Variants in CYP2C8 observed in about 807,000 individuals in gnomAD.
CYP2C8 encodes the protein cytochrome P450 2C8.
Under a neutral mutation model 41.3 loss-of-function variants are expected in CYP2C8, and 51 were observed. The ratio of observed to expected loss-of-function variants is 1.24; its 90% CI spans 0.99 to 1.56. CYP2C8 has a LOEUF of 1.56. CYP2C8 is among the 40% of genes most tolerant of loss of function. CYP2C8 has a pLI of 0.00. For missense variants in CYP2C8, 651 were observed against 579.9 expected, an observed-to-expected ratio of 1.12 and a Z score of -1.26; for synonymous variants, 218 against 205.8, an observed-to-expected ratio of 1.06 and a Z score of -0.51.
At chr10:95,064,722 A>G (rs2033521262) in intron 4 of CYP2C8, 78 bp downstream of exon 4, 4 of 1,391,162 alleles carry the variant, frequency 2.9e-6, no homozygotes, top group African/African-American at 1.4e-5. Flanking sequence ...TTTAGTATCA[A>G]TTTTCTCATT....
intron 5 of CYP2C8, among the ~76,000 whole-genome samples, chr10:95,054,251 A>T (rs570399587): frequency 1.3e-5 from 2 of 152,226 alleles, no homozygotes; most frequent in African/African-American, 4.8e-5. Flanking sequence ...AGAGTGCTTC[A>T]ATAAGAAAAT....
intron 5 of CYP2C8, 86 bp from the exon 6 acceptor site, chr10:95,046,037 A>T (rs1462119792): frequency 2.7e-6 from 4 of 1,489,268 alleles, no homozygotes; most frequent in Admixed American, 3.7e-5. Context: ...ACTATTTTTT[A>T]AAGTTAGCCA....
At position 95,069,456 on chromosome 10, in the gene CYP2C8, A is replaced by G; in HGVS notation, c.-54T>C. On this transcript the variant is annotated 5_prime_UTR_variant, in exon 1 of 9. Transcript: ENST00000371270. ...TGTGAGCTTGCACTCCAAAGTTTTT[A>G]TAACACTCCCTGCTAATTTAGTGTG... The G allele has an allele frequency of 7.1e-7, 1 of 1,410,124 alleles. No individual in the cohort carries two copies. Among genetic ancestry groups the G allele is most frequent in the Non-Finnish European group, 1.0e-6 (1 of 996,856 alleles). 87.4% of individuals were successfully genotyped at this position (1,410,124 alleles called of 1,614,324 possible). A position where few individuals can be genotyped will look rare whatever the true frequency, so the allele number is the denominator to read the frequency against.
chr10:95,042,861 G>C, intron 7 of CYP2C8, 29 bp downstream of exon 7: 1 of 1,592,728 alleles, frequency 6.3e-7, no homozygotes, highest in South Asian at 1.1e-5. Context: ...CAGAAGTACA[G>C]AAATATAGTG....
rs1564744001 is a variant in CYP2C8 at position 95,069,412 on chromosome 10, C to A, written c.-10G>T. ...CCACAAAAGGTTCCATTGAAGCCTT[C>A]TCTTCTTATTAAGACAGCTGTGAGC... On this transcript the variant is annotated 5_prime_UTR_variant, in exon 1 of 9. Transcript: ENST00000371270. 1.2e-5 allele frequency: 19 copies of A among 1,613,578 alleles called. No individual in the cohort carries two copies. The highest frequency in any genetic ancestry group is 1.6e-5 in the Non-Finnish European group (19 of 1,179,542).
At chr10:95,061,946 G>A (rs1425316173) in intron 4 of CYP2C8, among the ~76,000 whole-genome samples, 2 of 152,158 alleles carry the variant, frequency 1.3e-5, no homozygotes, top group African/African-American at 2.4e-5. Flanking sequence ...GTAGTTGAGT[G>A]GTTTTGAGTG....
intron 7 of CYP2C8, among the ~76,000 whole-genome samples, chr10:95,041,787 CAAAAAAAAA>C (rs60326519): frequency 2.4e-5 from 2 of 83,172 alleles, no homozygotes; most frequent in Admixed American, 1.4e-4. Context: ...GACTCCGTCT[CAAAAAAAAA>C]AAAAAAAAAA....
intron 7 of CYP2C8, among the ~76,000 whole-genome samples, chr10:95,040,133 A>T (rs2032965001): frequency 6.6e-6 from 1 of 152,194 alleles, no homozygotes; most frequent in South Asian, 2.1e-4. Context: ...AATTGTGAAA[A>T]TTTAAATTTA....
chr10:95,050,131 T>G (rs2033187786), intron 5 of CYP2C8, among the ~76,000 whole-genome samples: 1 of 152,094 alleles, frequency 6.6e-6, no homozygotes, highest in Non-Finnish European at 1.5e-5. Flanking sequence ...GTACAGGGTC[T>G]GTATTCTGCA....
In CYP2C8 at chr10:95,058,474, G is replaced by A. The variant is rs755915776; in HGVS notation, c.680C>T (p.Pro227Leu). ...TTTAAGCACTTTGTTGTGAGTTCCT[G>A]GGAAACAATCAATGAGTAGAGGGAA... ...NNFPLLIDCF[P>L]GTHNKVLKNV... Residue 227 changes from proline (P) to leucine (L), a missense_variant, in exon 5 of 9, where the codon CCA (proline) becomes CTA (leucine). Transcript: ENST00000371270. The A allele has an allele frequency of 1.2e-6, 2 of 1,612,762 alleles. No homozygotes were observed. The highest frequency in any genetic ancestry group is 1.7e-6 in the Non-Finnish European group (2 of 1,179,496).
rs779958772 is a variant in CYP2C8, at chr10:95,037,278, G to A, written c.1323C>T (p.Ala441=). Residue 441 remains alanine (A), a synonymous_variant, in exon 9 of 9, where the codon GCC becomes GCT. Transcript: ENST00000371270. Reference sequence around the variant, plus strand: ...TTAGAAATAAAAATAGCTCCATGCGGGCAAGTCCTTCTCCTGCACAAATTC... The same window carrying A: ...TTAGAAATAAAAATAGCTCCATGCGAGCAAGTCCTTCTCCTGCACAAATTC... ...GKRICAGEGL[A]RMELFLFLTT... is the part of the protein sequence containing the mutation. 6 of 1,613,602 alleles carry A rather than the reference G, an allele frequency of 3.7e-6. No homozygotes were observed. The highest frequency in any genetic ancestry group is 1.3e-5 in the African/African-American group (1 of 75,030).
At chr10:95,055,364 A>T (rs11572123) in intron 5 of CYP2C8, among the ~76,000 whole-genome samples, 6,575 of 152,272 alleles carry the variant, frequency 0.043, 482 homozygotes, top group African/African-American at 0.15. Context: ...GTTTCAAAAA[A>T]AAATAAATAA....
In CYP2C8 at chr10:95,042,952, G is replaced by A. The variant is rs772497816; in HGVS notation, c.1087C>T (p.Pro363Ser). The part of the protein sequence containing the change: ...HEIQRYSDLV[P>S]TGVPHAVTTD... ...GTCACTGCATGGGGCACACCGGTGG[G>A]GACAAGGTCACTGTATCTCTGGATC... The change falls in exon 7 of 9, where the codon CCC becomes TCC. Residue 363 changes from proline (P) to serine (S), a missense_variant. Coordinates refer to ENST00000371270, the MANE Select transcript of CYP2C8 (RefSeq NM_000770.3). 4 of 1,614,112 alleles carry A rather than the reference G, an allele frequency of 2.5e-6. No homozygotes were observed. Among genetic ancestry groups the A allele is most frequent in the Admixed American group, 3.3e-5 (2 of 60,020 alleles).
chr10:95,045,936 T>C lies in CYP2C8; in HGVS notation c.835A>G (p.Lys279Glu). Residue 279 changes from lysine to glutamate, a missense_variant, in exon 6 of 9, where the codon AAG becomes GAG. Coordinates refer to ENST00000371270, the MANE Select transcript of CYP2C8 (RefSeq NM_000770.3). ...IKMEQEKDNQKSEFNIENLVG... is the reference protein window; with the variant it reads ...IKMEQEKDNQESEFNIENLVG... Reference sequence around the variant, plus strand: ...AAGTTTTCAATATTGAATTCTGACTTTTGGTTGTCCTTTTCCTAGAAGTGA... The same window carrying C: ...AAGTTTTCAATATTGAATTCTGACTCTTGGTTGTCCTTTTCCTAGAAGTGA... 1 of 1,613,936 alleles carries C rather than the reference T, an allele frequency of 6.2e-7. No homozygotes were observed. Among genetic ancestry groups the C allele is most frequent in the Non-Finnish European group, 8.5e-7 (1 of 1,179,852 alleles).
In CYP2C8 at chr10:95,061,988, C is replaced by T. The variant is rs144774833; in HGVS notation, c.642+2812G>A. On this transcript the variant is annotated intron_variant, in intron 4 of 8. Transcript: ENST00000371270. The stretch of plus-strand genomic sequence containing the variant: ...TTAATCCTGAGTTCTAGTTTGATTG[C>T]GCTGTGGTCTGAGAGACAATTTGTT... Among the ~76,000 whole-genome samples the T allele has an allele frequency of 3.0e-3, 457 of 152,250 alleles. 3 individuals are homozygous for T. The highest frequency in any genetic ancestry group is 9.9e-3 in the African/African-American group (411 of 41,554).
intron 4 of CYP2C8, among the ~76,000 whole-genome samples, 175 bp from the exon 5 acceptor site, chr10:95,058,686 C>T (rs2033360683): frequency 6.6e-6 from 1 of 152,050 alleles, no homozygotes; most frequent in South Asian, 2.1e-4. Context: ...GGTATATGTG[C>T]ACAAAGTGCA....
chr10:95,068,643 G>A lies in CYP2C8; in HGVS notation c.168+592C>T. 2.3e-6 allele frequency: 3 copies of A among 1,286,312 alleles called. No individual in the cohort carries two copies. In the South Asian group the frequency reaches 3.7e-5, roughly 16 times the overall value. 79.7% of individuals were successfully genotyped at this position (1,286,312 alleles called of 1,614,324 possible). On this transcript the variant is annotated intron_variant, in intron 1 of 8. Coordinates refer to ENST00000371270, the MANE Select transcript of CYP2C8 (RefSeq NM_000770.3). Reference sequence around the variant, plus strand: ...ATAGCAAAACACTGTGAAACAAAGAGGAGAAACAGCACTTTAAACTTTTGC... The same window carrying A: ...ATAGCAAAACACTGTGAAACAAAGAAGAGAAACAGCACTTTAAACTTTTGC...
intron 5 of CYP2C8, among the ~76,000 whole-genome samples, chr10:95,046,387 T>C (rs1012029763): frequency 6.6e-6 from 1 of 152,064 alleles, no homozygotes; most frequent in Non-Finnish European, 1.5e-5. Context: ...TTTCATTGCA[T>C]GGCAAAAAGT....
At chr10:95,053,100 T>C (rs1330405188) in intron 5 of CYP2C8, among the ~76,000 whole-genome samples, 1 of 152,122 alleles carries the variant, frequency 6.6e-6, no homozygotes, top group Non-Finnish European at 1.5e-5. Flanking sequence ...AGTTGCAAGA[T>C]ACAAAATAAT....
Sources: gnomAD v4.1 joint callset for allele counts (sites outside exome capture counted in the v4.1 genomes callset) on GRCh38, gnomAD v4.1.1 for gene constraint, MANE v1.5 for transcripts, NCBI Gene and HGNC (gene_info 2026-07-23, HGNC 2026-07-21) for gene names.